Variants in GGACT observed in about 807,000 individuals in gnomAD.
GGACT encodes gamma-glutamylaminecyclotransferase.
For synonymous variants in GGACT, 118 were observed against 115.3 expected, an observed-to-expected ratio of 1.02 and a Z score of -0.15; for missense variants, 241 against 233.2, an observed-to-expected ratio of 1.03 and a Z score of -0.22.
rs1278554490 is a variant in GGACT at position 100,577,428 on chromosome 13, A to AATAAATAAATAAATAC, written c.-11+6396_-11+6397insGTATTTATTTATTTAT. ...CGAGACTCCATCTCAAAAATAAATA[A>AATAAATAAATAAATAC]ATAAATAAATAAATAAATAAATAAA... On this transcript the variant is annotated intron_variant, in intron 2 of 2. Coordinates refer to ENST00000683975, the MANE Select transcript of GGACT (RefSeq NM_001195087.2). Among the ~76,000 whole-genome samples the AATAAATAAATAAATAC allele has an allele frequency of 8.0e-5, 12 of 149,828 alleles. No homozygotes were observed. In the South Asian group the frequency reaches 1.0e-3, roughly 13 times the overall value.
intron 2 of GGACT, among the ~76,000 whole-genome samples, chr13:100,542,617 G>A (rs1331135858): frequency 6.6e-6 from 1 of 152,118 alleles, no homozygotes; most frequent in Non-Finnish European, 1.5e-5. Context: ...AAGGATAAGG[G>A]CGGCCTGCTG....
chr13:100,569,878 G>A (rs368061495), intron 2 of GGACT, among the ~76,000 whole-genome samples: 73 of 152,246 alleles, frequency 4.8e-4, no homozygotes, highest in Middle Eastern at 3.4e-3. Context: ...GCAAAATGCC[G>A]CCAGTCTCTT....
rs2088469094 is a variant in GGACT, at chr13:100,534,855, C to G, written c.-10-2254G>C. On this transcript the variant is annotated intron_variant, in intron 2 of 2. Coordinates refer to ENST00000683975, the MANE Select transcript of GGACT (RefSeq NM_001195087.2). The surrounding 1 kb of genome is among the most constrained non-coding windows in gnomAD (Gnocchi z 4.9). ...CCTGCTGCAGACTTAACTCTCCCAC[C>G]TCATCTCCTGCACCCTCTCTCCCCT... 6.6e-6 allele frequency among the ~76,000 whole-genome samples: 1 copy of G among 152,202 alleles called. No individual in the cohort carries two copies. Among genetic ancestry groups the G allele is most frequent in the Non-Finnish European group, 1.5e-5 (1 of 68,014 alleles).
At chr13:100,551,811 G>C (rs1055830401) in intron 2 of GGACT, among the ~76,000 whole-genome samples, 3 of 152,242 alleles carry the variant, frequency 2.0e-5, no homozygotes, top group African/African-American at 4.8e-5. Flanking sequence ...CTTATTTTCA[G>C]GTTAAGGAAT....
At chr13:100,557,143 G>A (rs1055079135) in intron 2 of GGACT, among the ~76,000 whole-genome samples, 1 of 152,136 alleles carries the variant, frequency 6.6e-6, no homozygotes, top group Non-Finnish European at 1.5e-5. Context: ...TGCCAGACTT[G>A]GCCTCCTAAA....
At chr13:100,583,420 C>T (rs560882525) in intron 2 of GGACT, among the ~76,000 whole-genome samples, 106 of 152,252 alleles carry the variant, frequency 7.0e-4, no homozygotes, top group Non-Finnish European at 1.2e-3. Context: ...GATTAGTATT[C>T]TCAATGTATA....
At chr13:100,576,538 A>G (rs1488309969) in intron 2 of GGACT, among the ~76,000 whole-genome samples, 4 of 152,194 alleles carry the variant, frequency 2.6e-5, no homozygotes, top group African/African-American at 9.7e-5. Flanking sequence ...ACTGTAAATA[A>G]TCCAAATGGC....
intron 2 of GGACT, among the ~76,000 whole-genome samples, chr13:100,576,891 G>A (rs865844367): frequency 6.6e-6 from 1 of 152,120 alleles, no homozygotes; most frequent in Non-Finnish European, 1.5e-5. Flanking sequence ...TATTCACATT[G>A]TACAAACAAG....
At chr13:100,580,771 G>A (rs908518406) in intron 2 of GGACT, among the ~76,000 whole-genome samples, 2 of 152,134 alleles carry the variant, frequency 1.3e-5, no homozygotes, top group Non-Finnish European at 2.9e-5. Flanking sequence ...TGTTCTCAAG[G>A]TAGTAGGATC....
intron 2 of GGACT, among the ~76,000 whole-genome samples, chr13:100,551,586 A>T (rs1259910278): frequency 6.6e-6 from 1 of 152,126 alleles, no homozygotes. Flanking sequence ...GAAGCACCTT[A>T]AAAGTGTTCA....
At chr13:100,552,678 C>A (rs1378686722) in intron 2 of GGACT, among the ~76,000 whole-genome samples, 1 of 152,236 alleles carries the variant, frequency 6.6e-6, no homozygotes, top group African/African-American at 2.4e-5. Context: ...TTAAGATCAT[C>A]TGCCCAGTGC....
chr13:100,543,197 CTTTTT>C (rs147710327), intron 2 of GGACT, among the ~76,000 whole-genome samples: 886 of 69,784 alleles, frequency 0.013, 2 homozygotes, highest in African/African-American at 0.047. Flanking sequence ...AAGACACCAG[CTTTTT>C]TTTTTTTTTT....
intron 2 of GGACT, among the ~76,000 whole-genome samples, chr13:100,575,225 G>A (rs147790256): frequency 0.014 from 2,203 of 152,286 alleles, 23 homozygotes; most frequent in Non-Finnish European, 0.021. Context: ...CAGTTAACGG[G>A]TGAGGTTTGA....
intron 2 of GGACT, among the ~76,000 whole-genome samples, chr13:100,564,912 G>A (rs1322930886): frequency 6.6e-6 from 1 of 152,170 alleles, no homozygotes; most frequent in Non-Finnish European, 1.5e-5. Context: ...TCCAGAAACA[G>A]CATTTTAACC....
At chr13:100,557,674 A>G (rs1434244566) in intron 2 of GGACT, among the ~76,000 whole-genome samples, 1 of 152,228 alleles carries the variant, frequency 6.6e-6, no homozygotes, top group Non-Finnish European at 1.5e-5. Context: ...ATCTTTTGAT[A>G]GGACACAAAA....
intron 2 of GGACT, chr13:100,535,802 T>C (rs1167789928): frequency 6.6e-6 from 1 of 152,208 alleles, no homozygotes; most frequent in Non-Finnish European, 1.5e-5. Context: ...AGTTTGTTTT[T>C]TTTGTTTGTT....
intron 2 of GGACT, among the ~76,000 whole-genome samples, chr13:100,581,314 C>T (rs1875410478): frequency 6.6e-6 from 1 of 152,154 alleles, no homozygotes; most frequent in Non-Finnish European, 1.5e-5. Context: ...GCAGGAAATA[C>T]ACAAGATCAA....
At chr13:100,571,198 C>A (rs975758386) in intron 2 of GGACT, among the ~76,000 whole-genome samples, 20 of 152,196 alleles carry the variant, frequency 1.3e-4, no homozygotes, top group Admixed American at 7.9e-4. Flanking sequence ...GGAACTGGCA[C>A]ATGAGAAGCA....
chr13:100,552,696 G>A (rs760464047), intron 2 of GGACT, among the ~76,000 whole-genome samples: 4 of 152,164 alleles, frequency 2.6e-5, no homozygotes, highest in Non-Finnish European at 4.4e-5. Flanking sequence ...TGCTCAGGAC[G>A]TCCAGGCTGG....
Sources: allele counts gnomAD v4.1 joint callset (sites outside exome capture counted in the v4.1 genomes callset), GRCh38; gene constraint gnomAD v4.1.1; non-coding constraint Gnocchi (gnomAD v3.1); transcripts MANE v1.5; gene names NCBI Gene and HGNC (gene_info 2026-07-23, HGNC 2026-07-21).